Variants in NGRN observed in about 807,000 individuals in gnomAD.
The protein encoded by NGRN is neugrin, neurite outgrowth associated, also known as neugrin.
A neutral mutation model predicts 13.1 loss-of-function variants in NGRN; 12 were observed. That is an observed-to-expected ratio of 0.92 (90% confidence interval 0.59 to 1.49). The LOEUF is 1.49. Ranked by LOEUF, NGRN falls within the 40% of genes most tolerant of loss-of-function variation. The pLI is 0.00. For synonymous variants in NGRN, 149 were observed against 145.8 expected (o/e 1.02, Z -0.16); for missense variants, 397 against 357.0 (o/e 1.11, Z -0.90).
chr15:90,270,619 C>T (rs1048542857), intron 2 of NGRN, among the ~76,000 whole-genome samples: 1 of 152,204 alleles, frequency 6.6e-6, no homozygotes, highest in African/African-American at 2.4e-5. Flanking sequence ...ATGGGAAGGT[C>T]AGTCCTCCTG....
At chr15:90,269,364 A>G (rs1963474403) in intron 2 of NGRN, among the ~76,000 whole-genome samples, 1 of 151,564 alleles carries the variant, frequency 6.6e-6, no homozygotes. Context: ...GTTCTGGGGT[A>G]CATGTGCAGA....
chr15:90,265,950 G>T (rs1006365562), intron 1 of NGRN, 74 bp downstream of exon 1: 258 of 1,429,858 alleles, frequency 1.8e-4, no homozygotes, highest in Non-Finnish European at 2.2e-4. Flanking sequence ...CGCCCCCTTG[G>T]CGCCGGGTGT....
At chr15:90,271,036 T>A in intron 2 of NGRN, 152 bp from the exon 3 acceptor site, 1 of 876,634 alleles carries the variant, frequency 1.1e-6, no homozygotes, top group South Asian at 1.7e-5. Context: ...GCTCAAGTGA[T>A]CCGCCTATCT....
Position 90,271,402 on chromosome 15 carries a change from C to T in NGRN, c.490C>T (p.Pro164Ser), listed in dbSNP as rs766093649. ...RGSGNTSKLLPAGHSVSGSLL... is the reference protein window; with the variant it reads ...RGSGNTSKLLSAGHSVSGSLL... The stretch of plus-strand genomic sequence containing the variant: ...CTCTGGAAATACCTCAAAGCTGCTC[C>T]CTGCAGGCCACTCTGTATCAGGCTC... Residue 164 changes from proline to serine, a missense_variant, in exon 3 of 3, where the codon CCT (proline) becomes TCT (serine). Physicochemically the swap from Pro to Ser is moderately conservative, Grantham distance 74. Transcript: ENST00000379095. 1 of 1,614,034 alleles carries T rather than the reference C, an allele frequency of 6.2e-7. No homozygotes were observed.
rs201430256 is a variant in NGRN, at chr15:90,266,255, G to T, written c.165-33G>T. The T allele has an allele frequency of 2.1e-3, 3,328 of 1,600,320 alleles. 8 individuals carry two copies. The highest frequency in any genetic ancestry group is 3.4e-3 in the South Asian group (302 of 89,098). ...CTTCAAACATCCATTCTGCTTCCAC[G>T]CATGGCTTCTGCCATTGGTTCTCTT... On this transcript the variant is annotated intron_variant, in intron 1 of 2. Transcript: ENST00000379095.
Position 90,271,424 on chromosome 15 carries a change from G to A in NGRN, c.512G>A (p.Gly171Asp). The A allele has an allele frequency of 1.9e-6, 3 of 1,614,006 alleles. No homozygotes were observed. Among genetic ancestry groups the A allele is most frequent in the Non-Finnish European group, 1.7e-6 (2 of 1,179,970 alleles). ...CTCCCTGCAGGCCACTCTGTATCAG[G>A]CTCTTTGCTTATGCCAGGGCATGAA... ...KLLPAGHSVS[G>D]SLLMPGHEAS... Residue 171 changes from glycine (G) to aspartate (D), a missense_variant, in exon 3 of 3, where the codon GGC becomes GAC. Transcript: ENST00000379095.
In NGRN at chr15:90,270,940, A is replaced by C. The variant is rs370394776; in HGVS notation, c.276-248A>C. 2.6e-5 allele frequency among the ~76,000 whole-genome samples: 4 copies of C among 152,098 alleles called. No homozygotes were observed. The East Asian group carries it at 7.7e-4, about 29-fold the overall frequency. Reference sequence around the variant, plus strand: ...AGCCTTCACCTCCCAGGTTCAAGTGATTCTTGTGCCACGTGGTAGCTCATG... The same window carrying C: ...AGCCTTCACCTCCCAGGTTCAAGTGCTTCTTGTGCCACGTGGTAGCTCATG... On this transcript the variant is annotated intron_variant, in intron 2 of 2. Coordinates refer to ENST00000379095, the MANE Select transcript of NGRN (RefSeq NM_001033088.3).
At chr15:90,269,162 A>ATTTTTTTTTTTTTTTTTTTTTTTT (rs34266380) in intron 2 of NGRN, among the ~76,000 whole-genome samples, 1 of 89,618 alleles carries the variant, frequency 1.1e-5, no homozygotes, top group Non-Finnish European at 2.0e-5. Flanking sequence ...TACCTGGCTA[A>ATTTTTTTTTTTTTTTTTTTTTTTT]TTTTTTTTTT....
Position 90,271,959 on chromosome 15 carries a change from G to A in NGRN, c.*171G>A. On this transcript the variant is annotated 3_prime_UTR_variant, in exon 3 of 3. Transcript: ENST00000379095. ...CGTGGATAGATTCAAACTTCCTGTG[G>A]TAGTGCTCCCAGTCTGACCTCTGTA... 1 of 839,982 alleles carries A rather than the reference G, an allele frequency of 1.2e-6. No individual in the cohort carries two copies. Among genetic ancestry groups the A allele is most frequent in the Non-Finnish European group, 1.8e-6 (1 of 554,710 alleles). The allele number at this position is 839,982 out of a possible 1,614,324, so 52.0% of individuals were successfully genotyped here. A position where few individuals can be genotyped will look rare whatever the true frequency, so the allele number is the denominator to read the frequency against.
rs1405035778 is a variant in NGRN, at chr15:90,271,362, G to A, written c.450G>A (p.Leu150=). Reference sequence around the variant, plus strand: ...AGAAAGCTGGGCTTGCCCACTCGCTGCAGCACCTCCGGGGCTCTGGAAATA... The same window carrying A: ...AGAAAGCTGGGCTTGCCCACTCGCTACAGCACCTCCGGGGCTCTGGAAATA... ...VLKKAGLAHS[L]QHLRGSGNTS... Residue 150 remains leucine (L), a synonymous_variant, in exon 3 of 3, where the codon CTG becomes CTA. Coordinates refer to ENST00000379095, the MANE Select transcript of NGRN (RefSeq NM_001033088.3). 5 of 1,613,954 alleles carry A rather than the reference G, an allele frequency of 3.1e-6. No homozygotes were observed. The African/African-American group carries it at 6.7e-5, about 22-fold the overall frequency.
At chr15:90,270,086 T>G (rs777916219) in intron 2 of NGRN, among the ~76,000 whole-genome samples, 13 of 152,168 alleles carry the variant, frequency 8.5e-5, no homozygotes, top group Non-Finnish European at 1.3e-4. Context: ...TTAATAGAGA[T>G]GGGATCTCCC....
intron 1 of NGRN, 159 bp downstream of exon 1, chr15:90,266,035 C>T: frequency 7.2e-7 from 1 of 1,394,206 alleles, no homozygotes; most frequent in Non-Finnish European, 9.2e-7. Context: ...TGTTCAGCTC[C>T]CCTGGGACCA....
At chr15:90,268,359 C>T (rs188514254) in intron 2 of NGRN, among the ~76,000 whole-genome samples, 56 of 150,360 alleles carry the variant, frequency 3.7e-4, no homozygotes, top group Admixed American at 2.1e-3. Flanking sequence ...TACTTATCTC[C>T]CTTTATTGTG....
chr15:90,265,783 C>T lies in NGRN; in HGVS notation c.71C>T (p.Thr24Ile). Reference sequence around the variant, plus strand: ...GCCGTCACTCGCTGTGGGTTCGCGACCCGGGGGGTGGCGGGCCCAGGCCCT... The same window carrying T: ...GCCGTCACTCGCTGTGGGTTCGCGATCCGGGGGGTGGCGGGCCCAGGCCCT... ...CAAVTRCGFA[T>I]RGVAGPGPIG... The change falls in exon 1 of 3, where the codon ACC becomes ATC. Residue 24 changes from threonine (T) to isoleucine (I), a missense_variant. Coordinates refer to ENST00000379095, the MANE Select transcript of NGRN (RefSeq NM_001033088.3). 6.2e-7 allele frequency: 1 copy of T among 1,612,932 alleles called. No individual in the cohort carries two copies. The highest frequency in any genetic ancestry group is 8.5e-7 in the Non-Finnish European group (1 of 1,179,706).
Position 90,266,365 on chromosome 15 carries a change from G to A in NGRN, c.242G>A (p.Arg81Lys), listed in dbSNP as rs758066292. Residue 81 changes from arginine (R) to lysine (K), a missense_variant, in exon 2 of 3, where the codon AGG becomes AAG. Arg to Lys is a conservative substitution (Grantham distance 26). Transcript: ENST00000379095. ...RQMEAPGAPP[R>K]TLTWEAMEQI... ...ATGGAGGCGCCTGGTGCCCCGCCCAGGACCCTGACGTGGGAAGCCATGGAG... is the reference window on the plus strand; with the variant it reads ...ATGGAGGCGCCTGGTGCCCCGCCCAAGACCCTGACGTGGGAAGCCATGGAG... The A allele has an allele frequency of 6.2e-7, 1 of 1,613,846 alleles. No homozygotes were observed. Among genetic ancestry groups the A allele is most frequent in the Admixed American group, 1.7e-5 (1 of 59,990 alleles).
intron 2 of NGRN, among the ~76,000 whole-genome samples, chr15:90,269,173 T>A (rs141319391): frequency 0.13 from 16,776 of 131,688 alleles, 1,326 homozygotes; most frequent in South Asian, 0.28. Flanking sequence ...TTTTTTTTTT[T>A]TTTTTTTTTT....
At chr15:90,270,351 T>C (rs897759940) in intron 2 of NGRN, among the ~76,000 whole-genome samples, 1 of 152,222 alleles carries the variant, frequency 6.6e-6, no homozygotes, top group African/African-American at 2.4e-5. Context: ...TGTGCCGCTT[T>C]ACATTTCACA....
At position 90,265,699 on chromosome 15, in the gene NGRN, T is replaced by C. The variant is rs756362080; in HGVS notation, c.-14T>C. 6.2e-7 allele frequency: 1 copy of C among 1,613,182 alleles called. No homozygotes were observed. Among genetic ancestry groups the C allele is most frequent in the Non-Finnish European group, 8.5e-7 (1 of 1,179,848 alleles). The stretch of plus-strand genomic sequence containing the variant: ...TGTTTCGTAGCCGACTGCTGAAGGC[T>C]GGTTTGCGTCGACATGGCGGTTACC... On this transcript the variant is annotated 5_prime_UTR_variant, in exon 1 of 3. Coordinates refer to ENST00000379095, the MANE Select transcript of NGRN (RefSeq NM_001033088.3).
rs1318680602 is a variant in NGRN at position 90,271,657 on chromosome 15, A to G, written c.745A>G (p.Ser249Gly). The stretch of plus-strand genomic sequence containing the variant: ...TTCTGAGAGCCCCAGAGGAACTGGC[A>G]GTGGTGCGTTGCCAAGTGGTCAGAA... The part of the protein sequence containing the change: ...SDSESPRGTG[S>G]GALPSGQKLE... The change falls in exon 3 of 3, where the codon AGT becomes GGT. Residue 249 changes from serine (S) to glycine (G), a missense_variant. By Grantham distance (56) the Ser-to-Gly change is moderately conservative (BLOSUM62 0). Transcript: ENST00000379095. 1 of 1,614,224 alleles carries G rather than the reference A, an allele frequency of 6.2e-7. No homozygotes were observed.
Sources: allele counts gnomAD v4.1 joint callset (sites outside exome capture counted in the v4.1 genomes callset), GRCh38; gene constraint gnomAD v4.1.1; transcripts MANE v1.5; gene names NCBI Gene and HGNC (gene_info 2026-07-23, HGNC 2026-07-21).